The following ARFGEF3 variants were observed in gnomAD, a reference collection of about 807,000 sequenced individuals.
ARFGEF3 encodes ARFGEF family member 3.
ARFGEF3 carries 96 observed loss-of-function variants against 221.7 expected under a neutral mutation model. The ratio of observed to expected loss-of-function variants is 0.43; its 90% CI spans 0.37 to 0.51. The LOEUF is 0.51. Among genes scored for constraint, ARFGEF3 ranks in the 20% least tolerant of loss-of-function variants. The pLI is 0.00. For missense variants in ARFGEF3, 2,410 were observed against 2,789.9 expected (o/e 0.86, Z 3.07); for synonymous variants, 1,145 against 1,126.8 (o/e 1.02, Z -0.32).
intron 2 of ARFGEF3, among the ~76,000 whole-genome samples, chr6:138,190,423 G>C (rs1246716384): frequency 6.6e-6 from 1 of 152,086 alleles, no homozygotes; most frequent in African/African-American, 2.4e-5. Flanking sequence ...GCATGTGTTT[G>C]ATGAGCAGCG....
At chr6:138,165,818 G>A (rs953372112) in intron 1 of ARFGEF3, among the ~76,000 whole-genome samples, 5 of 152,232 alleles carry the variant, frequency 3.3e-5, no homozygotes, top group African/African-American at 1.2e-4. Flanking sequence ...AGATCATTTT[G>A]AGATAGGTGA....
chr6:138,176,747 C>A (rs1233785174), intron 2 of ARFGEF3, among the ~76,000 whole-genome samples: 1 of 151,914 alleles, frequency 6.6e-6, no homozygotes, highest in Non-Finnish European at 1.5e-5. Flanking sequence ...GAATATCAGC[C>A]TTTTATTTCC....
intron 32 of ARFGEF3, among the ~76,000 whole-genome samples, chr6:138,333,604 G>A (rs571143625): frequency 1.1e-4 from 16 of 152,114 alleles, no homozygotes; most frequent in Admixed American, 6.5e-4. Context: ...CACCATGCCC[G>A]GCTAATTTTT....
intron 2 of ARFGEF3, among the ~76,000 whole-genome samples, chr6:138,186,410 A>G (rs1335905516): frequency 6.6e-6 from 1 of 152,218 alleles, no homozygotes; most frequent in Admixed American, 6.5e-5. Context: ...CTCTTCATGC[A>G]CAAAATGGCT....
intron 12 of ARFGEF3, among the ~76,000 whole-genome samples, chr6:138,266,836 A>G (rs180935535): frequency 0.016 from 1,765 of 111,616 alleles, 37 homozygotes; most frequent in African/African-American, 0.062. Context: ...GTGACAGAGC[A>G]AGACTCCATC....
chr6:138,334,125 G>A lies in ARFGEF3; in HGVS notation c.5279G>A (p.Arg1760Lys). The part of the protein sequence containing the change: ...VPEAKLAGFL[R>K]YISMQNLAVI... ...GAAGCCAAGCTGGCTGGCTTCCTCA[G>A]ATACATCTCTATGCAGAACTTGGCA... is the stretch of plus-strand genomic sequence containing the variant. Residue 1760 changes from arginine (R) to lysine (K), a missense_variant, in exon 33 of 34, where the codon AGA (arginine) becomes AAA (lysine). Physicochemically the swap from Arg to Lys is conservative, Grantham distance 26. Transcript: ENST00000251691. The surrounding 1 kb of genome is among the most constrained non-coding windows in gnomAD (Gnocchi z 5.1). The A allele has an allele frequency of 6.2e-7, 1 of 1,613,938 alleles. No individual in the cohort carries two copies. The highest frequency in any genetic ancestry group is 8.5e-7 in the Non-Finnish European group (1 of 1,179,882).
rs767282558 is a variant in ARFGEF3, at chr6:138,308,877, C to G, written c.4096+16C>G. On this transcript the variant is annotated intron_variant, in intron 24 of 33. Transcript: ENST00000251691. ...AAAGGACTGGGTAAGCAGAACCCTT[C>G]TCTCATGCCTTGTAACTGCTGAGGA... 4 of 1,613,898 alleles carry G rather than the reference C, an allele frequency of 2.5e-6. No homozygotes were observed. The highest frequency in any genetic ancestry group is 3.4e-6 in the Non-Finnish European group (4 of 1,179,812).
At chr6:138,280,944 T>C (rs903015924) in intron 14 of ARFGEF3, among the ~76,000 whole-genome samples, 3 of 150,198 alleles carry the variant, frequency 2.0e-5, no homozygotes, top group Admixed American at 6.6e-5. Context: ...TGCCAAATAC[T>C]TACCAGCATC....
chr6:138,220,411 A>T (rs117445635), intron 4 of ARFGEF3, among the ~76,000 whole-genome samples: 1,996 of 152,264 alleles, frequency 0.013, 28 homozygotes, highest in Middle Eastern at 0.058. Context: ...CATAATTAAG[A>T]ATTTTTTATT....
At chr6:138,164,425 T>A (rs1776681302) in intron 1 of ARFGEF3, among the ~76,000 whole-genome samples, 1 of 152,196 alleles carries the variant, frequency 6.6e-6, no homozygotes, top group Non-Finnish European at 1.5e-5. Context: ...AATTCCCTTT[T>A]CAGACTTGGC....
chr6:138,234,560 G>A (rs1778250383), intron 5 of ARFGEF3, among the ~76,000 whole-genome samples: 1 of 151,926 alleles, frequency 6.6e-6, no homozygotes, highest in Admixed American at 6.6e-5. Flanking sequence ...ATACCTACCT[G>A]TTGACCTGTC....
At position 138,278,465 on chromosome 6, in the gene ARFGEF3, C is replaced by A. The variant is rs1779137670; in HGVS notation, c.2143C>A (p.Pro715Thr). The A allele has an allele frequency of 6.2e-7, 1 of 1,613,786 alleles. No homozygotes were observed. The highest frequency in any genetic ancestry group is 1.3e-5 in the African/African-American group (1 of 74,936). ...GTCTCCCTTAGGCATGATGCACTCT[C>A]CTGGCTTTGACGGGAATAGCAGCCT... ...STFCSGMMHS[P>T]GFDGNSSLSF... Residue 715 changes from proline (P) to threonine (T), a missense_variant, in exon 13 of 34, where the codon CCT (proline) becomes ACT (threonine). Around this residue, in one of 5 missense-constraint regions of ARFGEF3, gnomAD observed 594 missense variants for 734.3 expected, o/e 0.81. Transcript: ENST00000251691.
chr6:138,338,799 TA>T lies in ARFGEF3; in HGVS notation c.*2333del, dbSNP rs1354597205. 3,442 of 103,670 alleles carry T rather than the reference TA, an allele frequency of 0.033. 48 individuals are homozygous for T. Among genetic ancestry groups the T allele is most frequent in the African/African-American group, 0.056 (1,565 of 28,030 alleles). The allele number at this position is 103,670 out of a possible 1,614,324, so 6.4% of individuals were successfully genotyped here. ...TGGGTGACAAGAGTGAAACTCCATC[TA>T]AAAAAAAAAAAAAAAAAAAGTGAAT... On this transcript the variant is annotated 3_prime_UTR_variant, in exon 34 of 34. Coordinates refer to ENST00000251691, the MANE Select transcript of ARFGEF3 (RefSeq NM_020340.5).
At chr6:138,186,601 T>A (rs1777187913) in intron 2 of ARFGEF3, among the ~76,000 whole-genome samples, 1 of 152,166 alleles carries the variant, frequency 6.6e-6, no homozygotes, top group Non-Finnish European at 1.5e-5. Context: ...CCAGTCCTGA[T>A]CTACTACTTG....
Position 138,338,408 on chromosome 6 carries a change from G to C in ARFGEF3, c.*1922G>C, listed in dbSNP as rs1436149093. 1 of 152,136 alleles carries C rather than the reference G, an allele frequency of 6.6e-6. No homozygotes were observed. Among genetic ancestry groups the C allele is most frequent in the African/African-American group, 2.4e-5 (1 of 41,442 alleles). The allele number at this position is 152,136 out of a possible 1,614,324, so 9.4% of individuals were successfully genotyped here. A position where few individuals can be genotyped will look rare whatever the true frequency, so the allele number is the denominator to read the frequency against. On this transcript the variant is annotated 3_prime_UTR_variant, in exon 34 of 34. Coordinates refer to ENST00000251691, the MANE Select transcript of ARFGEF3 (RefSeq NM_020340.5). ...CTGTGAGTACTCCACAGTTTACTGG[G>C]GGAAAAGGCTTCAGTAAAGCAGAGG...
intron 2 of ARFGEF3, among the ~76,000 whole-genome samples, chr6:138,203,693 G>C (rs1777576886): frequency 6.6e-6 from 1 of 152,136 alleles, no homozygotes; most frequent in South Asian, 2.1e-4. Context: ...CCAGGCTGGA[G>C]TGCAGTGGCA....
intron 25 of ARFGEF3, among the ~76,000 whole-genome samples, chr6:138,312,505 TACTC>T (rs557739794): frequency 1.9e-3 from 294 of 152,200 alleles, no homozygotes; most frequent in Non-Finnish European, 3.7e-3. Flanking sequence ...CCTTCCCTCT[TACTC>T]ACAGTGCTAT....
intron 22 of ARFGEF3, among the ~76,000 whole-genome samples, chr6:138,306,844 T>A (rs1213272345): frequency 6.6e-6 from 1 of 151,152 alleles, no homozygotes; most frequent in Non-Finnish European, 1.5e-5. Flanking sequence ...TCACCAAAAT[T>A]AAGAACTTTT....
Position 138,286,874 on chromosome 6 carries a change from C to T in ARFGEF3, c.2743C>T (p.Leu915Phe). 4 of 1,613,610 alleles carry T rather than the reference C, an allele frequency of 2.5e-6. No individual in the cohort carries two copies. Among genetic ancestry groups the T allele is most frequent in the Non-Finnish European group, 3.4e-6 (4 of 1,179,912 alleles). Reference sequence around the variant, plus strand: ...GGAGCGGGACGCCATCTGCATGAGCCTCGACGGGCTGCGGAAAGCCGCACG... The same window carrying T: ...GGAGCGGGACGCCATCTGCATGAGCTTCGACGGGCTGCGGAAAGCCGCACG... The part of the protein sequence containing the change: ...QKERDAICMS[L>F]DGLRKAARLS... The change falls in exon 16 of 34, where the codon CTC becomes TTC. Residue 915 changes from leucine (L) to phenylalanine (F), a missense_variant. By Grantham distance (22) the Leu-to-Phe change is conservative. Around this residue, in one of 5 missense-constraint regions of ARFGEF3, gnomAD observed 594 missense variants for 734.3 expected, o/e 0.81. Transcript: ENST00000251691.
Sources: allele counts gnomAD v4.1 joint callset (sites outside exome capture counted in the v4.1 genomes callset), GRCh38; gene constraint gnomAD v4.1.1; regional missense constraint gnomAD v4.1.1; non-coding constraint Gnocchi (gnomAD v3.1); transcripts MANE v1.5; gene names NCBI Gene and HGNC (gene_info 2026-07-23, HGNC 2026-07-21).